The following TMEM132C variants were observed in gnomAD, a reference collection of about 807,000 sequenced individuals.
TMEM132C encodes protein phosphatase 1, regulatory subunit 152.
Under a neutral mutation model 61.4 loss-of-function variants are expected in TMEM132C, and 29 were observed. The observed-to-expected ratio is 0.47, with a 90% CI of 0.35 to 0.64. TMEM132C has a LOEUF of 0.64. Ranked by LOEUF, TMEM132C falls within the 30% of genes least tolerant of loss-of-function variation. The pLI, the probability that TMEM132C is intolerant of heterozygous loss-of-function variation, is 0.00. For synonymous variants in TMEM132C, 656 were observed against 633.1 expected (o/e 1.04, Z -0.54); for missense variants, 1,408 against 1,476.9 (o/e 0.95, Z 0.76).
intron 1 of TMEM132C, among the ~76,000 whole-genome samples, chr12:128,333,304 CTG>C (rs1252111712): frequency 6.6e-6 from 1 of 150,688 alleles, no homozygotes; most frequent in African/African-American, 2.4e-5. Context: ...GTATGTGGTG[CTG>C]TGTGTATGTA....
At chr12:128,459,909 A>G (rs990505805) in intron 2 of TMEM132C, among the ~76,000 whole-genome samples, 27 of 148,936 alleles carry the variant, frequency 1.8e-4, no homozygotes, top group Non-Finnish European at 3.3e-4. Context: ...AAAAAAAAGA[A>G]TGCTCTCTTA....
At chr12:128,308,002 G>A (rs117753443) in intron 1 of TMEM132C, among the ~76,000 whole-genome samples, 5,129 of 152,314 alleles carry the variant, frequency 0.034, 111 homozygotes, top group Non-Finnish European at 0.05. Flanking sequence ...GAGGCACAGG[G>A]CTGGGCAGGT....
At chr12:128,654,459 T>C (rs1954303917) in intron 4 of TMEM132C, among the ~76,000 whole-genome samples, 1 of 152,204 alleles carries the variant, frequency 6.6e-6, no homozygotes, top group Non-Finnish European at 1.5e-5. Context: ...ATTTCAGTCG[T>C]TGTATGCCAT....
At chr12:128,597,569 G>A (rs6486700) in intron 3 of TMEM132C, among the ~76,000 whole-genome samples, 120,691 of 152,062 alleles carry the variant, frequency 0.79, 49,053 homozygotes, top group Non-Finnish European at 0.88. Flanking sequence ...AAGGAACATA[G>A]ATTCATTATC....
chr12:128,292,850 A>T (rs1871288995), intron 1 of TMEM132C, among the ~76,000 whole-genome samples: 1 of 152,204 alleles, frequency 6.6e-6, no homozygotes, highest in Admixed American at 6.5e-5. Context: ...TGTTGCTGTC[A>T]GCAGTTTTCT....
chr12:128,705,082 C>A lies in TMEM132C; in HGVS notation c.2122-8C>A. ...CAGGTGGTCTTCTAACTGCCTGTGT[C>A]CCTGCAGGAGGCTGTATTCAGCACG... On this transcript the variant is annotated splice_polypyrimidine_tract_variant and splice_region_variant and intron_variant, in intron 8 of 8. Coordinates refer to ENST00000435159, the MANE Select transcript of TMEM132C (RefSeq NM_001136103.3). The A allele has an allele frequency of 6.6e-7, 1 of 1,515,674 alleles. No homozygotes were observed. Among genetic ancestry groups the A allele is most frequent in the Admixed American group, 2.1e-5 (1 of 48,756 alleles). 93.9% of individuals were successfully genotyped at this position (1,515,674 alleles called of 1,614,324 possible). A position where few individuals can be genotyped will look rare whatever the true frequency, so the allele number is the denominator to read the frequency against.
chr12:128,427,428 G>C (rs7487355), intron 2 of TMEM132C, among the ~76,000 whole-genome samples: 1 of 129,196 alleles, frequency 7.7e-6, no homozygotes, highest in Non-Finnish European at 1.6e-5. Context: ...GTGTGTGTGT[G>C]TATATATATT....
intron 1 of TMEM132C, among the ~76,000 whole-genome samples, chr12:128,396,241 G>T (rs551249518): frequency 4.6e-5 from 7 of 152,264 alleles, no homozygotes; most frequent in African/African-American, 1.7e-4. Flanking sequence ...ACTTCTTGGA[G>T]ATCTTTCTAT....
chr12:128,323,993 T>G (rs761681445), intron 1 of TMEM132C, among the ~76,000 whole-genome samples: 8 of 152,230 alleles, frequency 5.3e-5, no homozygotes, highest in Non-Finnish European at 1.2e-4. Context: ...GGGTCTTTGC[T>G]TAAAATGCAG....
At position 128,445,710 on chromosome 12, in the gene TMEM132C, G is replaced by A. The variant is rs188230175; in HGVS notation, c.974+30090G>A. On this transcript the variant is annotated intron_variant, in intron 2 of 8. Transcript: ENST00000435159. ...AGTGCCTGGTGTTTACAAACCTCCA[G>A]GGAGCATCTCTTTCAGTGCCCTGGC... is the stretch of plus-strand genomic sequence containing the variant. 5.4e-4 allele frequency among the ~76,000 whole-genome samples: 83 copies of A among 152,338 alleles called. 2 individuals are homozygous for A. Among genetic ancestry groups the A allele is most frequent in the Admixed American group, 4.6e-3 (71 of 15,304 alleles).
intron 5 of TMEM132C, among the ~76,000 whole-genome samples, chr12:128,686,070 C>CAT (rs1954672261): frequency 3.4e-5 from 2 of 58,894 alleles, no homozygotes; most frequent in Non-Finnish European, 9.9e-5. Context: ...TGTGTGCATG[C>CAT]GTGTGTGCGC....
chr12:128,686,442 T>A (rs1438972326), intron 5 of TMEM132C, among the ~76,000 whole-genome samples: 2 of 152,204 alleles, frequency 1.3e-5, no homozygotes, highest in Non-Finnish European at 2.9e-5. Flanking sequence ...AATGCTTTTT[T>A]AATTACTGGG....
intron 3 of TMEM132C, among the ~76,000 whole-genome samples, chr12:128,554,433 C>G (rs1874268520): frequency 6.6e-6 from 1 of 152,228 alleles, no homozygotes; most frequent in South Asian, 2.1e-4. Flanking sequence ...TCTAGACCTG[C>G]TGAAAATCCA....
intron 4 of TMEM132C, among the ~76,000 whole-genome samples, chr12:128,624,543 C>CAAAA (rs752979852): frequency 6.7e-4 from 22 of 32,894 alleles, no homozygotes; most frequent in African/African-American, 2.0e-3. Context: ...GACTCCATCT[C>CAAAA]AAAAAAAAAA....
intron 1 of TMEM132C, among the ~76,000 whole-genome samples, chr12:128,374,816 A>G (rs1209195311): frequency 3.3e-5 from 5 of 151,416 alleles, no homozygotes; most frequent in African/African-American, 2.4e-5. Context: ...GCTACTTAGG[A>G]GGCTGAGGAA....
chr12:128,671,539 C>A (rs1030152474), intron 5 of TMEM132C, among the ~76,000 whole-genome samples: 1 of 152,178 alleles, frequency 6.6e-6, no homozygotes, highest in Non-Finnish European at 1.5e-5. Flanking sequence ...AGCAACCAGC[C>A]TTCTCTCTGG....
intron 5 of TMEM132C, among the ~76,000 whole-genome samples, chr12:128,677,985 A>G (rs1954606960): frequency 6.6e-6 from 1 of 152,238 alleles, no homozygotes; most frequent in Non-Finnish European, 1.5e-5. Flanking sequence ...GGCTCCCGTC[A>G]GCACTAAACT....
chr12:128,403,356 CAT>C (rs1875234136), intron 1 of TMEM132C, among the ~76,000 whole-genome samples: 1 of 152,126 alleles, frequency 6.6e-6, no homozygotes, highest in African/African-American at 2.4e-5. Context: ...TGTCTGATAT[CAT>C]ATGAGTAAAC....
chr12:128,605,822 G>A lies in TMEM132C; in HGVS notation c.1122-10330G>A, dbSNP rs185468083. 2.0e-4 allele frequency among the ~76,000 whole-genome samples: 31 copies of A among 152,328 alleles called. No homozygotes were observed. In the East Asian group the frequency reaches 3.9e-3, roughly 19 times the overall value. On this transcript the variant is annotated intron_variant, in intron 3 of 8. Coordinates refer to ENST00000435159, the MANE Select transcript of TMEM132C (RefSeq NM_001136103.3). The stretch of plus-strand genomic sequence containing the variant: ...GGAGAATTTATACTCATTGGAGAGC[G>A]AGATGTGAAAGGGTCATTGTCAGGT...
Sources: allele counts gnomAD v4.1 joint callset (sites outside exome capture counted in the v4.1 genomes callset), GRCh38; gene constraint gnomAD v4.1.1; transcripts MANE v1.5; gene names NCBI Gene and HGNC (gene_info 2026-07-23, HGNC 2026-07-21).